ROBO1: variants seen among roughly 807,000 people sequenced by gnomAD.
The protein encoded by ROBO1 is roundabout guidance receptor 1, also known as roundabout homolog 1.
A neutral mutation model predicts 195.9 loss-of-function variants in ROBO1; 149 were observed. That is an observed-to-expected ratio of 0.76 (90% CI 0.67 to 0.87). ROBO1 has a LOEUF of 0.87. Ranked by LOEUF, ROBO1 falls within the 40% of genes least tolerant of loss-of-function variation. The pLI is 0.00. For missense variants in ROBO1, 1,933 were observed against 2,068.3 expected, an observed-to-expected ratio of 0.93 and a Z score of 1.27; for synonymous variants, 816 against 733.2, an observed-to-expected ratio of 1.11 and a Z score of -1.82.
chr3:79,039,379 T>C (rs1381976264), intron 3 of ROBO1, among the ~76,000 whole-genome samples: 1 of 152,206 alleles, frequency 6.6e-6, no homozygotes. Context: ...AATTTTAGAA[T>C]TGAATTGTCA....
At chr3:79,460,656 A>G (rs1053970052) in intron 2 of ROBO1, among the ~76,000 whole-genome samples, 3 of 152,230 alleles carry the variant, frequency 2.0e-5, no homozygotes, top group Admixed American at 6.5e-5. Flanking sequence ...CCCTAATGGG[A>G]ACAATCCGTT....
At chr3:78,644,712 A>G (rs1389745373) in intron 21 of ROBO1, among the ~76,000 whole-genome samples, 10 of 152,132 alleles carry the variant, frequency 6.6e-5, no homozygotes, top group African/African-American at 2.4e-4. Flanking sequence ...CATTCCTGCC[A>G]TTGTTTCCCA....
At chr3:79,115,540 C>T (rs929010487) in intron 3 of ROBO1, among the ~76,000 whole-genome samples, 5 of 152,066 alleles carry the variant, frequency 3.3e-5, no homozygotes, top group African/African-American at 1.2e-4. Flanking sequence ...AGCAGGGATA[C>T]AGGTTATATA....
intron 4 of ROBO1, among the ~76,000 whole-genome samples, chr3:78,753,302 T>C (rs2108317873): frequency 6.6e-6 from 1 of 152,240 alleles, no homozygotes; most frequent in South Asian, 2.1e-4. Flanking sequence ...ATTGTTAGAA[T>C]TACATCCAGA....
chr3:79,269,731 G>T (rs536701656), intron 2 of ROBO1, among the ~76,000 whole-genome samples: 25 of 151,790 alleles, frequency 1.6e-4, no homozygotes, highest in Non-Finnish European at 3.0e-4. Flanking sequence ...ATTTGAGACT[G>T]TTCTTCCCTC....
At chr3:79,319,271 T>A (rs1055033809) in intron 2 of ROBO1, among the ~76,000 whole-genome samples, 3 of 152,158 alleles carry the variant, frequency 2.0e-5, no homozygotes, top group Non-Finnish European at 4.4e-5. Flanking sequence ...ACAGCACAGG[T>A]CTGAACTAAC....
At chr3:79,018,712 A>C in intron 3 of ROBO1, 2 of 1,300,102 alleles carry the variant, frequency 1.5e-6, no homozygotes, top group Non-Finnish European at 2.0e-6. Context: ...AGGCTCAGAC[A>C]CTTTCAAGAA....
intron 3 of ROBO1, among the ~76,000 whole-genome samples, chr3:78,996,340 C>CA (rs5850409): frequency 0.95 from 140,256 of 148,340 alleles, 66,345 homozygotes; most frequent in Non-Finnish European, 0.97. Context: ...AAAAAAAAAA[C>CA]AAAAAAAAAA....
At chr3:78,682,289 T>C (rs1364560382) in intron 10 of ROBO1, among the ~76,000 whole-genome samples, 1 of 151,568 alleles carries the variant, frequency 6.6e-6, no homozygotes, top group African/African-American at 2.4e-5. Context: ...AAACTTGAAA[T>C]ATATATATAT....
At chr3:78,908,147 AC>A (rs779061745) in intron 4 of ROBO1, among the ~76,000 whole-genome samples, 2 of 126,182 alleles carry the variant, frequency 1.6e-5, no homozygotes, top group Non-Finnish European at 3.4e-5. Context: ...GAAATATATA[AC>A]TGAATTAACA....
At chr3:78,923,255 A>G (rs1259153383) in intron 4 of ROBO1, among the ~76,000 whole-genome samples, 1 of 152,136 alleles carries the variant, frequency 6.6e-6, no homozygotes, top group African/African-American at 2.4e-5. Context: ...ACTGTTCTAG[A>G]TCAGCAGTTA....
At chr3:78,861,103 C>T (rs1328321780) in intron 4 of ROBO1, among the ~76,000 whole-genome samples, 4 of 152,098 alleles carry the variant, frequency 2.6e-5, no homozygotes, top group African/African-American at 9.7e-5. Context: ...CAATTTCCTT[C>T]TCAAATTTTT....
At chr3:79,730,768 CTTTTTTTT>C (rs66527491) in intron 1 of ROBO1, among the ~76,000 whole-genome samples, 16 of 95,520 alleles carry the variant, frequency 1.7e-4, no homozygotes, top group Non-Finnish European at 3.1e-4. Context: ...CCTGTATTTC[CTTTTTTTT>C]TTTTTTTTTT....
intron 3 of ROBO1, among the ~76,000 whole-genome samples, chr3:78,940,959 C>G (rs952550405): frequency 1.3e-5 from 2 of 152,130 alleles, no homozygotes; most frequent in African/African-American, 2.4e-5. Context: ...TATTCTATGA[C>G]AAGACAGGAA....
At chr3:78,776,255 T>C (rs1170776693) in intron 4 of ROBO1, among the ~76,000 whole-genome samples, 3 of 152,088 alleles carry the variant, frequency 2.0e-5, no homozygotes, top group Non-Finnish European at 2.9e-5. Flanking sequence ...TATTTATTTA[T>C]TTATTTATTT....
intron 4 of ROBO1, among the ~76,000 whole-genome samples, chr3:78,916,256 A>C (rs540984195): frequency 6.7e-6 from 1 of 149,506 alleles, no homozygotes; most frequent in Admixed American, 6.7e-5. Flanking sequence ...AAAAAAAAAA[A>C]AAAAAACAAC....
intron 2 of ROBO1, among the ~76,000 whole-genome samples, chr3:79,185,793 A>C (rs1006991559): frequency 2.0e-5 from 3 of 152,154 alleles, no homozygotes; most frequent in Non-Finnish European, 4.4e-5. Context: ...ATCTTGTGAC[A>C]TGAGCACAGC....
intron 2 of ROBO1, among the ~76,000 whole-genome samples, chr3:79,438,610 T>C (rs1487250671): frequency 3.3e-5 from 5 of 152,006 alleles, no homozygotes; most frequent in African/African-American, 9.7e-5. Flanking sequence ...AGTACCCTCA[T>C]AGAAACTAAG....
At chr3:79,106,195 A>G (rs1191783154) in intron 3 of ROBO1, among the ~76,000 whole-genome samples, 1 of 151,766 alleles carries the variant, frequency 6.6e-6, no homozygotes, top group East Asian at 1.9e-4. Context: ...TACCATATGA[A>G]TGAAAACATA....
Sources: gnomAD v4.1 joint callset for allele counts (sites outside exome capture counted in the v4.1 genomes callset) on GRCh38, gnomAD v4.1.1 for gene constraint, MANE v1.5 for transcripts, NCBI Gene and HGNC (gene_info 2026-07-23, HGNC 2026-07-21) for gene names.